Variants in RBL2 observed in about 807,000 individuals in gnomAD.
RBL2 encodes the protein RB transcriptional corepressor like 2.
A neutral mutation model predicts 126.0 loss-of-function variants in RBL2; 56 were observed. The observed-to-expected ratio is 0.44, with a 90% CI of 0.36 to 0.56. RBL2 has a LOEUF of 0.56. Among genes scored for constraint, RBL2 ranks in the 20% least tolerant of loss-of-function variants. RBL2 has a pLI of 0.00. For synonymous variants in RBL2, 454 were observed against 478.5 expected (o/e 0.95, Z 0.67); for missense variants, 1,229 against 1,398.2 (o/e 0.88, Z 1.93).
At chr16:53,454,474 A>AT in intron 7 of RBL2, 182 bp from the exon 8 acceptor site, 1 of 562,328 alleles carries the variant, frequency 1.8e-6, no homozygotes, top group South Asian at 2.1e-5. Context: ...AAGTGCTGGG[A>AT]TTACAGACGG....
At chr16:53,486,680 T>C (rs576631357) in intron 21 of RBL2, among the ~76,000 whole-genome samples, 144 of 152,334 alleles carry the variant, frequency 9.5e-4, no homozygotes, top group African/African-American at 3.2e-3. Flanking sequence ...TTAATGGTGA[T>C]AGACTGAATG....
chr16:53,456,805 C>G (rs1400320124), intron 8 of RBL2, among the ~76,000 whole-genome samples: 1 of 152,198 alleles, frequency 6.6e-6, no homozygotes. Context: ...TCTCTGATAA[C>G]CCAACTGCTA....
rs1474653427 is a variant in RBL2 at position 53,480,566 on chromosome 16, G to A, written c.2882-1G>A. On this transcript the variant is annotated splice_acceptor_variant, in intron 19 of 21. Transcript: ENST00000262133. LOFTEE classifies it high-confidence loss of function. ...GACAGCCTTTGTTCTCCTGGCTGCA[G>A]CCAGTAGAGACTCCAGTCCAGTTAT... 6.2e-7 allele frequency: 1 copy of A among 1,611,856 alleles called. No individual in the cohort carries two copies. Among genetic ancestry groups the A allele is most frequent in the Non-Finnish European group, 8.5e-7 (1 of 1,178,922 alleles).
At chr16:53,436,310 T>C (rs1230419236) in intron 1 of RBL2, among the ~76,000 whole-genome samples, 1 of 152,224 alleles carries the variant, frequency 6.6e-6, no homozygotes, top group Non-Finnish European at 1.5e-5. Context: ...GCAGTTAAGT[T>C]GTATGAAGTC....
At chr16:53,437,678 A>G in intron 1 of RBL2, among the ~76,000 whole-genome samples, 1 of 152,202 alleles carries the variant, frequency 6.6e-6, no homozygotes, top group East Asian at 1.9e-4. Context: ...CTGAATATCC[A>G]TTCAAGCTTA....
intron 21 of RBL2, among the ~76,000 whole-genome samples, chr16:53,482,825 A>C (rs1444954293): frequency 1.3e-5 from 2 of 151,986 alleles, no homozygotes; most frequent in Non-Finnish European, 2.9e-5. Flanking sequence ...AAAAAAAAAA[A>C]AAAACGGTTG....
chr16:53,453,407 T>C, intron 5 of RBL2, 45 bp from the exon 6 acceptor site: 2 of 1,550,224 alleles, frequency 1.3e-6, no homozygotes, highest in Non-Finnish European at 1.8e-6. Flanking sequence ...ACAAATTGGC[T>C]TATTGTGTGC....
At chr16:53,437,732 A>G (rs544392765) in intron 1 of RBL2, among the ~76,000 whole-genome samples, 2 of 152,176 alleles carry the variant, frequency 1.3e-5, no homozygotes, top group South Asian at 4.2e-4. Context: ...GCAAGATTAA[A>G]AATATAAACA....
chr16:53,477,920 G>C (rs1275229353), intron 17 of RBL2, among the ~76,000 whole-genome samples: 2 of 152,052 alleles, frequency 1.3e-5, no homozygotes, highest in Admixed American at 6.6e-5. Flanking sequence ...GTGTAGTGTT[G>C]TCCAGGGGCA....
chr16:53,465,119 C>T (rs1393949531), intron 12 of RBL2, among the ~76,000 whole-genome samples: 1 of 152,158 alleles, frequency 6.6e-6, no homozygotes, highest in Non-Finnish European at 1.5e-5. Context: ...TTTATCTTAA[C>T]TCTCATAAGA....
In RBL2 at chr16:53,438,875, G is replaced by A. The variant is rs553957210; in HGVS notation, c.241-141G>A. ...AAAAAAAAAAAAAAAAAAAAAAAGAGCGTATGAGATAGGGTCATCATTGAA... is the reference window on the plus strand; with the variant it reads ...AAAAAAAAAAAAAAAAAAAAAAAGAACGTATGAGATAGGGTCATCATTGAA... On this transcript the variant is annotated intron_variant, in intron 1 of 21. Coordinates refer to ENST00000262133, the MANE Select transcript of RBL2 (RefSeq NM_005611.4). The A allele has an allele frequency of 3.6e-4, 86 of 235,964 alleles. No individual in the cohort carries two copies. In the South Asian group the frequency reaches 8.2e-3, roughly 23 times the overall value. The allele number at this position is 235,964 out of a possible 1,614,324, so 14.6% of individuals were successfully genotyped here.
chr16:53,445,423 T>C (rs1293256694), intron 3 of RBL2, among the ~76,000 whole-genome samples: 1 of 152,170 alleles, frequency 6.6e-6, no homozygotes, highest in East Asian at 1.9e-4. Flanking sequence ...ACTATAGTCA[T>C]AATGTATAGC....
chr16:53,459,651 G>T, intron 9 of RBL2, 34 bp downstream of exon 9: 1 of 1,489,172 alleles, frequency 6.7e-7, no homozygotes, highest in Non-Finnish European at 8.9e-7. Flanking sequence ...TCTAAGATTT[G>T]GTTATTGACC....
intron 17 of RBL2, among the ~76,000 whole-genome samples, chr16:53,478,295 A>T (rs541173999): frequency 6.6e-6 from 1 of 152,256 alleles, no homozygotes; most frequent in East Asian, 1.9e-4. Context: ...TTACTGTGAT[A>T]TATCTGGGTA....
At position 53,461,856 on chromosome 16, in the gene RBL2, G is replaced by T. The variant is rs1190469728; in HGVS notation, c.1456+6G>T. ...TTTCAGTAATTGTGCTAAAGGTAAG[G>T]TTTAACATTGTTATTCTGCTTTTAT... On this transcript the variant is annotated splice_donor_region_variant and intron_variant, in intron 10 of 21. Coordinates refer to ENST00000262133, the MANE Select transcript of RBL2 (RefSeq NM_005611.4). 3.1e-6 allele frequency: 5 copies of T among 1,589,280 alleles called. No homozygotes were observed. The highest frequency in any genetic ancestry group is 4.3e-6 in the Non-Finnish European group (5 of 1,158,188).
intron 19 of RBL2, chr16:53,480,259 G>A: frequency 3.8e-6 from 2 of 523,448 alleles, no homozygotes; most frequent in Non-Finnish European, 3.4e-6. Context: ...TATGTCAATT[G>A]GAACCATGCT....
At chr16:53,438,979 C>G (rs773212205) in intron 1 of RBL2, 37 bp from the exon 2 acceptor site, 1 of 1,381,248 alleles carries the variant, frequency 7.2e-7, no homozygotes, top group East Asian at 2.6e-5. Flanking sequence ...TTATATGTAG[C>G]TTTTTAACTA....
chr16:53,481,368 A>C, intron 20 of RBL2: 1 of 264,254 alleles, frequency 3.8e-6, no homozygotes, highest in Non-Finnish European at 7.1e-6. Context: ...AAATCATTAA[A>C]TTTTCTCTGT....
At chr16:53,459,310 C>A (rs2058196933) in intron 8 of RBL2, 141 bp from the exon 9 acceptor site, 3 of 654,564 alleles carry the variant, frequency 4.6e-6, no homozygotes, top group South Asian at 2.1e-5. Context: ...ACATTTGAGT[C>A]ACTAAAATTT....
Sources: allele counts gnomAD v4.1 joint callset (sites outside exome capture counted in the v4.1 genomes callset), GRCh38; gene constraint gnomAD v4.1.1; transcripts MANE v1.5; gene names NCBI Gene and HGNC (gene_info 2026-07-23, HGNC 2026-07-21).